Variants in BMAL1 observed in about 807,000 individuals in gnomAD.
The protein encoded by BMAL1 is basic helix-loop-helix ARNT like 1.
the BMAL1 span, chr11:13,385,932 T>G: frequency 1.4e-6 from 1 of 699,574 alleles, no homozygotes; most frequent in East Asian, 2.8e-5. Flanking sequence ...TAAAATTTGT[T>G]TAAATCTCTA....
At chr11:13,340,931 C>T in the BMAL1 span, among the ~76,000 whole-genome samples, 3 of 152,198 alleles carry the variant, frequency 2.0e-5, no homozygotes, top group African/African-American at 7.2e-5. Context: ...CCACCCCTTT[C>T]ACAGATGAGG....
the BMAL1 span, among the ~76,000 whole-genome samples, chr11:13,332,497 A>AT: frequency 6.6e-6 from 1 of 152,058 alleles, no homozygotes; most frequent in Admixed American, 6.5e-5. Flanking sequence ...TGGAAATTTC[A>AT]TTTTTTTCTT....
At chr11:13,281,611 G>A in the BMAL1 span, among the ~76,000 whole-genome samples, 1 of 152,042 alleles carries the variant, frequency 6.6e-6, no homozygotes, top group East Asian at 1.9e-4. Context: ...CAAGTCTCAG[G>A]TAATCCTCCT....
At chr11:13,277,379 A>G in the BMAL1 span, among the ~76,000 whole-genome samples, 4 of 152,092 alleles carry the variant, frequency 2.6e-5, no homozygotes, top group Admixed American at 2.6e-4. Context: ...TGGGCACCGC[A>G]GTGGCCGCGG....
chr11:13,326,845 A>C, the BMAL1 span, among the ~76,000 whole-genome samples: 885 of 151,802 alleles, frequency 5.8e-3, 2 homozygotes, highest in Middle Eastern at 0.014. Context: ...TTTGAGACAG[A>C]GTCTCGCTCT....
At chr11:13,356,819 C>A in the BMAL1 span, 1 of 1,613,822 alleles carries the variant, frequency 6.2e-7, no homozygotes, top group Non-Finnish European at 8.5e-7. Flanking sequence ...ATCCTTATAG[C>A]CATTTTCTTT....
At chr11:13,282,439 G>A in the BMAL1 span, among the ~76,000 whole-genome samples, 1 of 152,128 alleles carries the variant, frequency 6.6e-6, no homozygotes, top group Non-Finnish European at 1.5e-5. Flanking sequence ...CCTTGCCGGG[G>A]TGCCTTGGCC....
chr11:13,361,445 C>G, the BMAL1 span, among the ~76,000 whole-genome samples: 1 of 152,146 alleles, frequency 6.6e-6, no homozygotes, highest in Non-Finnish European at 1.5e-5. Flanking sequence ...CAGGGCTGAC[C>G]TTACCTGCAC....
At chr11:13,296,153 T>A in the BMAL1 span, among the ~76,000 whole-genome samples, 1 of 152,224 alleles carries the variant, frequency 6.6e-6, no homozygotes, top group Non-Finnish European at 1.5e-5. Flanking sequence ...CTTGGCCGTT[T>A]GTCCTGCTCT....
chr11:13,279,612 C>T, the BMAL1 span, among the ~76,000 whole-genome samples: 1 of 152,136 alleles, frequency 6.6e-6, no homozygotes, highest in Non-Finnish European at 1.5e-5. Flanking sequence ...TATTTGATTT[C>T]CATATCAATG....
chr11:13,297,125 A>G, the BMAL1 span, among the ~76,000 whole-genome samples: 733 of 152,264 alleles, frequency 4.8e-3, 9 homozygotes, highest in African/African-American at 0.016. Flanking sequence ...AATAAGTTTA[A>G]TATGTAAGTG....
chr11:13,316,652 A>G, the BMAL1 span, among the ~76,000 whole-genome samples: 10 of 152,124 alleles, frequency 6.6e-5, no homozygotes, highest in African/African-American at 1.9e-4. Context: ...CCCTAGGGCA[A>G]CTCACCAGGC....
chr11:13,343,735 T>G, the BMAL1 span, among the ~76,000 whole-genome samples: 2 of 152,172 alleles, frequency 1.3e-5, no homozygotes, highest in Non-Finnish European at 1.5e-5. Context: ...GTTTGGTGAC[T>G]TAGTTAGACC....
chr11:13,335,022 G>C, the BMAL1 span, among the ~76,000 whole-genome samples: 3 of 152,196 alleles, frequency 2.0e-5, no homozygotes, highest in African/African-American at 7.2e-5. Flanking sequence ...GCAAAGTGAG[G>C]GACCCTCGGG....
chr11:13,306,980 T>A, the BMAL1 span, among the ~76,000 whole-genome samples: 3 of 152,192 alleles, frequency 2.0e-5, no homozygotes, highest in Admixed American at 2.0e-4. Context: ...TTTCTCTACA[T>A]CTAGGTATCA....
At chr11:13,372,053 ATTT>A in the BMAL1 span, 1 of 1,423,540 alleles carries the variant, frequency 7.0e-7, no homozygotes, top group Admixed American at 2.1e-5. Context: ...TGAAGCCTTG[ATTT>A]TTTTTTATTT....
the BMAL1 span, among the ~76,000 whole-genome samples, chr11:13,284,162 GTGTATA>G: frequency 8.1e-4 from 67 of 82,452 alleles, 6 homozygotes; most frequent in African/African-American, 4.2e-3. Flanking sequence ...ATATATATGT[GTGTATA>G]TATATATATG....
the BMAL1 span, among the ~76,000 whole-genome samples, chr11:13,367,459 G>A: frequency 3.9e-5 from 6 of 152,240 alleles, no homozygotes; most frequent in African/African-American, 1.4e-4. Context: ...CCAGCACTTC[G>A]GGAGGCTGAG....
the BMAL1 span, among the ~76,000 whole-genome samples, chr11:13,334,977 C>T: frequency 9.2e-5 from 14 of 152,320 alleles, no homozygotes; most frequent in Non-Finnish European, 1.6e-4. Context: ...CCAGATAGCA[C>T]GCATTCCGGT....
Sources: gnomAD v4.1 joint callset for allele counts (sites outside exome capture counted in the v4.1 genomes callset) on GRCh38, gnomAD v4.1.1 for gene constraint, MANE v1.5 for transcripts, NCBI Gene and HGNC (gene_info 2026-07-23, HGNC 2026-07-21) for gene names.